Variants in DTNB observed in about 807,000 individuals in gnomAD.
DTNB encodes the protein dystrobrevin beta.
DTNB carries 63 observed loss-of-function variants against 90.7 expected under a neutral mutation model. That is an observed-to-expected ratio of 0.69 (90% CI 0.57 to 0.86). The LOEUF (loss-of-function observed/expected upper bound fraction) is 0.86, where lower values mean the gene tolerates loss of function less well. Ranked by LOEUF, DTNB falls within the 40% of genes least tolerant of loss-of-function variation. DTNB has a pLI of 0.00. For synonymous variants in DTNB, 277 were observed against 286.7 expected (o/e 0.97, Z 0.34); for missense variants, 744 against 807.1 (o/e 0.92, Z 0.95).
intron 7 of DTNB, among the ~76,000 whole-genome samples, chr2:25,580,417 A>G (rs1231262527): frequency 2.6e-5 from 4 of 151,796 alleles, no homozygotes; most frequent in Non-Finnish European, 5.9e-5. Context: ...GCTACTCGGG[A>G]GGCTGAGGTG....
At chr2:25,417,592 G>A (rs557728439) in intron 16 of DTNB, among the ~76,000 whole-genome samples, 1 of 152,276 alleles carries the variant, frequency 6.6e-6, no homozygotes, top group African/African-American at 2.4e-5. Context: ...GCTGGCACAC[G>A]CAGAGAGAGA....
chr2:25,585,461 A>C (rs1408034546), intron 6 of DTNB, among the ~76,000 whole-genome samples: 1 of 152,020 alleles, frequency 6.6e-6, no homozygotes, highest in African/African-American at 2.4e-5. Flanking sequence ...TTGTTATTCT[A>C]ATCTAGACTG....
At chr2:25,668,193 C>G (rs1178651345) in intron 1 of DTNB, among the ~76,000 whole-genome samples, 1 of 152,052 alleles carries the variant, frequency 6.6e-6, no homozygotes. Context: ...GAGCCGAGAT[C>G]GCGCCACTGC....
intron 9 of DTNB, among the ~76,000 whole-genome samples, chr2:25,498,687 G>A (rs2069614026): frequency 6.7e-6 from 1 of 150,152 alleles, no homozygotes; most frequent in East Asian, 2.0e-4. Flanking sequence ...CTCTACAAAA[G>A]AAATACAAAA....
At chr2:25,670,241 ACT>A (rs1034263517) in intron 1 of DTNB, among the ~76,000 whole-genome samples, 14 of 151,996 alleles carry the variant, frequency 9.2e-5, no homozygotes, top group Admixed American at 2.6e-4. Flanking sequence ...AGGAGAAAAA[ACT>A]CTGCTCTTTT....
intron 8 of DTNB, among the ~76,000 whole-genome samples, chr2:25,537,586 T>C (rs1391411133): frequency 1.3e-5 from 2 of 152,176 alleles, no homozygotes; most frequent in Non-Finnish European, 2.9e-5. Flanking sequence ...ATGTATCCAA[T>C]TAGGTTGTCT....
At chr2:25,463,416 C>A (rs2061318791) in intron 10 of DTNB, among the ~76,000 whole-genome samples, 1 of 152,180 alleles carries the variant, frequency 6.6e-6, no homozygotes, top group Non-Finnish European at 1.5e-5. Flanking sequence ...GCCCCAATAG[C>A]CTCTTGACTG....
At chr2:25,466,632 C>T (rs2150255687) in intron 10 of DTNB, among the ~76,000 whole-genome samples, 1 of 152,216 alleles carries the variant, frequency 6.6e-6, no homozygotes, top group East Asian at 1.9e-4. Flanking sequence ...GTGTTTGTGA[C>T]CAGGGAGTTG....
chr2:25,430,728 G>GA (rs550715804), intron 14 of DTNB, among the ~76,000 whole-genome samples: 2 of 152,214 alleles, frequency 1.3e-5, no homozygotes, highest in Non-Finnish European at 2.9e-5. Context: ...TGGAGGCAAG[G>GA]AAATGGGGTA....
At chr2:25,472,857 G>A (rs551343183) in intron 10 of DTNB, among the ~76,000 whole-genome samples, 8 of 152,236 alleles carry the variant, frequency 5.3e-5, no homozygotes, top group African/African-American at 1.2e-4. Flanking sequence ...GCACCCTAGC[G>A]CCTGGGTGAC....
intron 14 of DTNB, among the ~76,000 whole-genome samples, chr2:25,430,708 G>A (rs1037830432): frequency 1.3e-5 from 2 of 152,218 alleles, no homozygotes; most frequent in African/African-American, 4.8e-5. Flanking sequence ...CGTTCACCCA[G>A]TGGGGAAGGT....
intron 5 of DTNB, among the ~76,000 whole-genome samples, chr2:25,603,536 A>G (rs2066367932): frequency 6.6e-6 from 1 of 152,220 alleles, no homozygotes; most frequent in South Asian, 2.1e-4. Flanking sequence ...AGAAAGTACA[A>G]ATATTTGTTC....
At chr2:25,577,176 T>C (rs1044256516) in intron 7 of DTNB, among the ~76,000 whole-genome samples, 172 bp from the exon 8 acceptor site, 19 of 152,328 alleles carry the variant, frequency 1.2e-4, no homozygotes, top group African/African-American at 4.1e-4. Flanking sequence ...GGCTTGCCCT[T>C]GTAATCCCAG....
At chr2:25,629,715 C>A in intron 3 of DTNB, among the ~76,000 whole-genome samples, 1 of 152,198 alleles carries the variant, frequency 6.6e-6, no homozygotes, top group East Asian at 1.9e-4. Flanking sequence ...AATACCCTTT[C>A]ATAATAAAAA....
At chr2:25,588,876 C>T (rs2062965398) in intron 6 of DTNB, among the ~76,000 whole-genome samples, 1 of 152,148 alleles carries the variant, frequency 6.6e-6, no homozygotes, top group Non-Finnish European at 1.5e-5. Context: ...GTCTTCAAAT[C>T]AATGAAACAC....
chr2:25,484,263 T>C (rs1386489907), intron 9 of DTNB, among the ~76,000 whole-genome samples: 1 of 152,260 alleles, frequency 6.6e-6, no homozygotes, highest in East Asian at 1.9e-4. Context: ...CTCATATTTG[T>C]CTATCAAAAG....
chr2:25,435,502 T>C (rs2055433800), intron 12 of DTNB, among the ~76,000 whole-genome samples: 1 of 152,242 alleles, frequency 6.6e-6, no homozygotes, highest in Non-Finnish European at 1.5e-5. Flanking sequence ...TATTGACCTT[T>C]TATGTCTATC....
At chr2:25,414,195 A>T (rs1044988982) in intron 16 of DTNB, among the ~76,000 whole-genome samples, 11 of 151,972 alleles carry the variant, frequency 7.2e-5, no homozygotes, top group Non-Finnish European at 1.5e-5. Flanking sequence ...TCAGATGAGT[A>T]GATTGCAAAA....
intron 15 of DTNB, among the ~76,000 whole-genome samples, chr2:25,423,139 G>A (rs754797157): frequency 6.6e-6 from 1 of 152,168 alleles, no homozygotes; most frequent in Non-Finnish European, 1.5e-5. Flanking sequence ...AGAGGTTGCA[G>A]GGAGCCAAGA....
Sources: gnomAD v4.1 joint callset for allele counts (sites outside exome capture counted in the v4.1 genomes callset) on GRCh38, gnomAD v4.1.1 for gene constraint, MANE v1.5 for transcripts, NCBI Gene and HGNC (gene_info 2026-07-23, HGNC 2026-07-21) for gene names.